BNC2: variants seen among roughly 807,000 people sequenced by gnomAD.
The protein encoded by BNC2 is basonuclin zinc finger protein 2, also known as zinc finger protein basonuclin-2.
Under a neutral mutation model 76.3 loss-of-function variants are expected in BNC2, and 20 were observed. The ratio of observed to expected loss-of-function variants is 0.26; its 90% CI spans 0.18 to 0.38. The LOEUF is 0.38. BNC2 is among the 10% of genes least tolerant of loss of function. BNC2 has a pLI of 1.00. For missense variants in BNC2, 1,382 were observed against 1,399.8 expected (o/e 0.99, Z 0.20); for synonymous variants, 582 against 514.8 (o/e 1.13, Z -1.77).
rs1820993756 is a variant in BNC2, at chr9:16,435,704, T to C, written c.2490A>G (p.Pro830=). 2 of 1,614,056 alleles carry C rather than the reference T, an allele frequency of 1.2e-6. No homozygotes were observed. The highest frequency in any genetic ancestry group is 1.1e-5 in the South Asian group (1 of 91,088). ...TGCACACATAACAGATTTTGGGGTCTGGGCTAGAACATAGGTCACCTTCTG... is the reference window on the plus strand; with the variant it reads ...TGCACACATAACAGATTTTGGGGTCCGGGCTAGAACATAGGTCACCTTCTG... ...FSPEGDLCSS[P]DPKICYVCKK... Residue 830 remains proline (P), a synonymous_variant, in exon 6 of 7, where the codon CCA becomes CCG. Coordinates refer to ENST00000380672, the MANE Select transcript of BNC2 (RefSeq NM_017637.6).
At chr9:16,866,680 A>C (rs1302423494) in intron 1 of BNC2, among the ~76,000 whole-genome samples, 4 of 151,508 alleles carry the variant, frequency 2.6e-5, no homozygotes, top group Non-Finnish European at 4.4e-5. Context: ...AAAAAAAAAA[A>C]AAAAACCATA....
At chr9:16,560,693 C>T (rs1159277237) in intron 4 of BNC2, among the ~76,000 whole-genome samples, 1 of 152,338 alleles carries the variant, frequency 6.6e-6, no homozygotes, top group Admixed American at 6.5e-5. Context: ...CTGCACTATA[C>T]TCCAGCGTGG....
intron 1 of BNC2, among the ~76,000 whole-genome samples, chr9:16,754,219 T>C (rs1206771854): frequency 6.6e-6 from 1 of 152,252 alleles, no homozygotes; most frequent in Non-Finnish European, 1.5e-5. Context: ...TGTATTTATC[T>C]TCAGCTCACA....
rs1820623438 is a variant in BNC2 at position 16,418,089 on chromosome 9, A to G, written c.*900T>C. The G allele has an allele frequency of 6.6e-6, 1 of 152,660 alleles. No homozygotes were observed. The highest frequency in any genetic ancestry group is 1.5e-5 in the Non-Finnish European group (1 of 68,050). 9.5% of individuals were successfully genotyped at this position (152,660 alleles called of 1,614,324 possible). A position where few individuals can be genotyped will look rare whatever the true frequency, so the allele number is the denominator to read the frequency against. ...TACAAGTGAATTTTTTTTAAAAAAG[A>G]CACTTACTGAAGTATGGCAATAGTT... On this transcript the variant is annotated 3_prime_UTR_variant, in exon 7 of 7. Coordinates refer to ENST00000380672, the MANE Select transcript of BNC2 (RefSeq NM_017637.6).
chr9:16,627,993 T>C (rs527684969), intron 3 of BNC2, among the ~76,000 whole-genome samples: 23 of 152,330 alleles, frequency 1.5e-4, no homozygotes, highest in African/African-American at 5.3e-4. Context: ...ATTTAGCTAA[T>C]AACGGGTTCA....
chr9:16,706,261 T>A (rs1212881949), intron 3 of BNC2, among the ~76,000 whole-genome samples: 1 of 152,250 alleles, frequency 6.6e-6, no homozygotes, highest in Non-Finnish European at 1.5e-5. Context: ...CTTTTTCTGA[T>A]CATTCATCTT....
chr9:16,753,871 T>TC (rs1363739411), intron 1 of BNC2, among the ~76,000 whole-genome samples: 2 of 18,322 alleles, frequency 1.1e-4, no homozygotes, highest in African/African-American at 1.6e-3. Context: ...GTTACAGTAA[T>TC]CCATACTTTA....
chr9:16,554,628 C>G (rs574639605), intron 4 of BNC2, among the ~76,000 whole-genome samples: 9 of 152,156 alleles, frequency 5.9e-5, no homozygotes, highest in Admixed American at 3.9e-4. Context: ...ATTTAGACTG[C>G]AAAAAAGCAG....
intron 4 of BNC2, among the ~76,000 whole-genome samples, chr9:16,572,670 G>T (rs1358463298): frequency 1.3e-5 from 2 of 152,124 alleles, no homozygotes; most frequent in African/African-American, 4.8e-5. Flanking sequence ...TGGTGCAGAG[G>T]GGAGTAAAGG....
chr9:16,800,961 T>C (rs913098665), intron 1 of BNC2, among the ~76,000 whole-genome samples: 23 of 152,192 alleles, frequency 1.5e-4, no homozygotes, highest in African/African-American at 5.3e-4. Flanking sequence ...AAAAATTAAG[T>C]TGTTGCTAAT....
chr9:16,729,430 A>G (rs1362561960), intron 2 of BNC2, among the ~76,000 whole-genome samples: 1 of 152,204 alleles, frequency 6.6e-6, no homozygotes, highest in Non-Finnish European at 1.5e-5. Context: ...AAGAGCTTCA[A>G]TGGCAGCTCT....
intron 1 of BNC2, among the ~76,000 whole-genome samples, chr9:16,765,825 C>T (rs1284605180): frequency 6.7e-6 from 1 of 149,882 alleles, no homozygotes. Context: ...CTAGCTCTGT[C>T]GCCCAGGCTG....
At chr9:16,820,438 G>A (rs1343498007) in intron 1 of BNC2, among the ~76,000 whole-genome samples, 2 of 151,326 alleles carry the variant, frequency 1.3e-5, no homozygotes, top group Non-Finnish European at 2.9e-5. Context: ...AAAAAAAAAA[G>A]CAATAATAAG....
intron 4 of BNC2, among the ~76,000 whole-genome samples, chr9:16,561,164 G>A (rs1243985130): frequency 2.0e-5 from 3 of 152,012 alleles, no homozygotes; most frequent in East Asian, 1.9e-4. Context: ...TCTTGAACCC[G>A]GGAGGCAGAG....
intron 2 of BNC2, among the ~76,000 whole-genome samples, chr9:16,732,591 T>C (rs1824549177): frequency 6.6e-6 from 1 of 152,202 alleles, no homozygotes; most frequent in Non-Finnish European, 1.5e-5. Context: ...ATACCTGTAA[T>C]TCCCTGGGTT....
chr9:16,523,295 C>T (rs781458247), intron 5 of BNC2, among the ~76,000 whole-genome samples: 3 of 151,798 alleles, frequency 2.0e-5, no homozygotes, highest in Non-Finnish European at 4.4e-5. Flanking sequence ...CACGATGAAA[C>T]CCTGTCTCTA....
At position 16,435,974 on chromosome 9, in the gene BNC2, C is replaced by G; in HGVS notation, c.2220G>C (p.Gly740=). 6.2e-7 allele frequency: 1 copy of G among 1,614,156 alleles called. No individual in the cohort carries two copies. Among genetic ancestry groups the G allele is most frequent in the Middle Eastern group, 1.6e-4 (1 of 6,062 alleles). ...EPKLGEESME[G]DEHIHSEVSE... ...TCACTTCGCTGTGAATGTGCTCATCCCCTTCCATGGATTCCTCGCCCAGTT... is the reference window on the plus strand; with the variant it reads ...TCACTTCGCTGTGAATGTGCTCATCGCCTTCCATGGATTCCTCGCCCAGTT... The change falls in exon 6 of 7, where the codon GGG becomes GGC. Residue 740 remains glycine (G), a synonymous_variant. Coordinates refer to ENST00000380672, the MANE Select transcript of BNC2 (RefSeq NM_017637.6).
At chr9:16,751,432 G>C (rs1825191717) in intron 1 of BNC2, among the ~76,000 whole-genome samples, 4 of 151,810 alleles carry the variant, frequency 2.6e-5, no homozygotes, top group Admixed American at 6.6e-5. Context: ...ACTCTCTCAA[G>C]AAAAAGTCTT....
intron 5 of BNC2, among the ~76,000 whole-genome samples, chr9:16,463,463 A>AT (rs1229768911): frequency 1.4e-5 from 2 of 146,196 alleles, no homozygotes; most frequent in Admixed American, 6.7e-5. Flanking sequence ...CGCCCGGCTA[A>AT]TTTTTTGTAT....
Sources: allele counts gnomAD v4.1 joint callset (sites outside exome capture counted in the v4.1 genomes callset), GRCh38; gene constraint gnomAD v4.1.1; transcripts MANE v1.5; gene names NCBI Gene and HGNC (gene_info 2026-07-23, HGNC 2026-07-21).